ADAMTSL1: variants seen among roughly 807,000 people sequenced by gnomAD.
ADAMTSL1 encodes ADAMTS-like protein 1.
Under a neutral mutation model 201.8 loss-of-function variants are expected in ADAMTSL1, and 126 were observed. The observed-to-expected ratio is 0.62, with a 90% CI of 0.54 to 0.72. The LOEUF is 0.72. Ranked by LOEUF, ADAMTSL1 falls within the 30% of genes least tolerant of loss-of-function variation. ADAMTSL1 has a pLI of 0.00. For synonymous variants in ADAMTSL1, 1,121 were observed against 903.4 expected (o/e 1.24, Z -4.32); for missense variants, 2,679 against 2,277.8 (o/e 1.18, Z -3.59).
At chr9:18,118,097 G>A (rs893121508) in intron 1 of ADAMTSL1, among the ~76,000 whole-genome samples, 3 of 152,228 alleles carry the variant, frequency 2.0e-5, no homozygotes, top group South Asian at 4.2e-4. Context: ...TAGCAGGTAG[G>A]GCTGGATTTG....
At chr9:18,196,957 T>C (rs927971486) in intron 2 of ADAMTSL1, among the ~76,000 whole-genome samples, 1 of 152,106 alleles carries the variant, frequency 6.6e-6, no homozygotes, top group Non-Finnish European at 1.5e-5. Context: ...ATAGCTTCAC[T>C]CCCTCACACA....
At chr9:18,315,178 C>T (rs990022322) in intron 2 of ADAMTSL1, among the ~76,000 whole-genome samples, 2 of 152,118 alleles carry the variant, frequency 1.3e-5, no homozygotes, top group Non-Finnish European at 2.9e-5. Context: ...AAACCTTGAG[C>T]TAGACACAGA....
intron 2 of ADAMTSL1, among the ~76,000 whole-genome samples, chr9:18,269,259 TGAAG>T (rs1264454812): frequency 6.6e-6 from 1 of 152,128 alleles, no homozygotes; most frequent in Non-Finnish European, 1.5e-5. Context: ...GTAAACTCTT[TGAAG>T]GAAGAGGTTA....
intron 2 of ADAMTSL1, among the ~76,000 whole-genome samples, chr9:18,436,231 GA>G (rs1262320712): frequency 6.6e-6 from 1 of 152,084 alleles, no homozygotes; most frequent in East Asian, 1.9e-4. Context: ...AATGCTCGGG[GA>G]AGGATGTGGG....
At chr9:18,244,259 ACT>A (rs1385049256) in intron 2 of ADAMTSL1, among the ~76,000 whole-genome samples, 1 of 151,526 alleles carries the variant, frequency 6.6e-6, no homozygotes, top group Non-Finnish European at 1.5e-5. Context: ...TCTGGCACAG[ACT>A]CTCTCAAGAG....
chr9:18,256,029 T>C (rs1164612254), intron 2 of ADAMTSL1, among the ~76,000 whole-genome samples: 1 of 152,246 alleles, frequency 6.6e-6, no homozygotes, highest in Non-Finnish European at 1.5e-5. Flanking sequence ...ATCTTCCTTG[T>C]TTCCTATTTG....
chr9:17,919,034 C>T (rs543410801), intron 1 of ADAMTSL1, among the ~76,000 whole-genome samples: 3 of 151,586 alleles, frequency 2.0e-5, no homozygotes, highest in Admixed American at 6.6e-5. Flanking sequence ...TAATAGTTAC[C>T]TCCATTGTTC....
At chr9:18,113,847 A>T (rs1318766849) in intron 1 of ADAMTSL1, among the ~76,000 whole-genome samples, 1 of 152,188 alleles carries the variant, frequency 6.6e-6, no homozygotes, top group Non-Finnish European at 1.5e-5. Context: ...CAACCCTATG[A>T]GATAAATGCT....
At position 18,556,617 on chromosome 9, in the gene ADAMTSL1, G is replaced by A. The variant is rs558939095; in HGVS notation, c.238-17413G>A. On this transcript the variant is annotated intron_variant, in intron 3 of 28. Transcript: ENST00000380548. ...AATCTAAAAGCACTGGGTTTTAGAG[G>A]TCAGAAAACACATTTCTCTATTTTT... Among the ~76,000 whole-genome samples the A allele has an allele frequency of 4.6e-5, 7 of 152,036 alleles. No individual in the cohort carries two copies. The South Asian group carries it at 1.5e-3, about 32-fold the overall frequency.
chr9:18,601,571 G>C (rs2184001), intron 4 of ADAMTSL1, among the ~76,000 whole-genome samples: 74,697 of 151,628 alleles, frequency 0.49, 19,121 homozygotes, highest in Middle Eastern at 0.64. Flanking sequence ...GTCATGGCCA[G>C]TGAGGATTTC....
At chr9:18,446,225 C>G (rs913220960) in intron 2 of ADAMTSL1, among the ~76,000 whole-genome samples, 1 of 152,136 alleles carries the variant, frequency 6.6e-6, no homozygotes, top group African/African-American at 2.4e-5. Context: ...TCCAGAAACT[C>G]TATATATGGG....
intron 1 of ADAMTSL1, among the ~76,000 whole-genome samples, chr9:18,139,105 T>G (rs1826284438): frequency 6.6e-6 from 1 of 152,160 alleles, no homozygotes; most frequent in South Asian, 2.1e-4. Context: ...TCCTGTAACA[T>G]CTTATGGTTT....
intron 16 of ADAMTSL1, among the ~76,000 whole-genome samples, chr9:18,768,484 G>A (rs897198366): frequency 7.6e-6 from 1 of 132,372 alleles, no homozygotes; most frequent in Non-Finnish European, 1.6e-5. Context: ...TCTGTAAAGT[G>A]GAAATAAGAC....
At chr9:18,821,384 G>A (rs1824200268) in intron 21 of ADAMTSL1, among the ~76,000 whole-genome samples, 1 of 152,092 alleles carries the variant, frequency 6.6e-6, no homozygotes, top group South Asian at 2.1e-4. Context: ...GTCTCCATAG[G>A]GGTTACCTCT....
chr9:18,180,341 G>A (rs1177864424), intron 2 of ADAMTSL1, among the ~76,000 whole-genome samples: 3 of 151,924 alleles, frequency 2.0e-5, no homozygotes. Flanking sequence ...AGACCATCCC[G>A]GCTAAAACGG....
intron 2 of ADAMTSL1, among the ~76,000 whole-genome samples, chr9:18,391,640 T>A (rs1351345914): frequency 6.6e-6 from 1 of 152,106 alleles, no homozygotes; most frequent in Non-Finnish European, 1.5e-5. Context: ...GCTGAATATT[T>A]CATGCTTCTT....
In ADAMTSL1 at chr9:18,536,247, A is replaced by C. The variant is rs187362823; in HGVS notation, c.237+2955A>C. ...TTTGTTAGGTGCTTGATTTGGAAAA[A>C]CTTGAGAGTCTCTTAGCTAAATCTC... On this transcript the variant is annotated intron_variant, in intron 3 of 28. Coordinates refer to ENST00000380548, the MANE Select transcript of ADAMTSL1 (RefSeq NM_001040272.6). Among the ~76,000 whole-genome samples, 55 of 152,222 alleles carry C rather than the reference A, an allele frequency of 3.6e-4. 1 individual carries two copies. In the East Asian group the frequency reaches 0.01, roughly 28 times the overall value.
chr9:18,807,707 A>T (rs1042508072), intron 20 of ADAMTSL1, among the ~76,000 whole-genome samples: 1 of 151,344 alleles, frequency 6.6e-6, no homozygotes. Flanking sequence ...GGCGCGGCGC[A>T]TTCAGTGGAG....
chr9:18,268,586 G>A (rs997902433), intron 2 of ADAMTSL1, among the ~76,000 whole-genome samples: 1 of 152,070 alleles, frequency 6.6e-6, no homozygotes, highest in Admixed American at 6.6e-5. Context: ...TAGACTCCGG[G>A]GAATATGTTC....
Sources: allele counts gnomAD v4.1 joint callset (sites outside exome capture counted in the v4.1 genomes callset), GRCh38; gene constraint gnomAD v4.1.1; transcripts MANE v1.5; gene names NCBI Gene and HGNC (gene_info 2026-07-23, HGNC 2026-07-21).